The following TAFA5 variants were observed in gnomAD, a reference collection of about 807,000 sequenced individuals.
The protein encoded by TAFA5 is TAFA chemokine like family member 5, also known as chemokine-like protein TAFA-5.
A neutral mutation model predicts 15.3 loss-of-function variants in TAFA5; 6 were observed. That is an observed-to-expected ratio of 0.39 (90% confidence interval 0.21 to 0.77). The LOEUF is 0.77. Ranked by LOEUF, TAFA5 falls within the 30% of genes least tolerant of loss-of-function variation. The pLI, the probability that TAFA5 is intolerant of heterozygous loss-of-function variation, is 0.41. For missense variants in TAFA5, 161 were observed against 193.1 expected (o/e 0.83, Z 0.98); for synonymous variants, 103 against 80.7 (o/e 1.28, Z -1.48).
chr22:48,683,144 G>A (rs140343654), intron 2 of TAFA5, among the ~76,000 whole-genome samples: 1 of 152,252 alleles, frequency 6.6e-6, no homozygotes, highest in Non-Finnish European at 1.5e-5. Flanking sequence ...GTCACAGCCA[G>A]GTTTCGGAAT....
At chr22:48,595,624 C>T (rs948282779) in intron 1 of TAFA5, among the ~76,000 whole-genome samples, 4 of 152,260 alleles carry the variant, frequency 2.6e-5, no homozygotes, top group Admixed American at 1.3e-4. Flanking sequence ...CATCTCCAGA[C>T]GTGCTGCCAC....
chr22:48,550,477 G>T lies in TAFA5; in HGVS notation c.112+60773G>T, dbSNP rs557299340. Among the ~76,000 whole-genome samples, 12 of 152,322 alleles carry T rather than the reference G, an allele frequency of 7.9e-5. No individual in the cohort carries two copies. Among genetic ancestry groups the T allele is most frequent in the African/African-American group, 2.6e-4 (11 of 41,582 alleles). ...GTCACATCTGGATGGAACCAGATGT[G>T]AGGGCTTTGACCCCCACGGAGCCAG... is the stretch of plus-strand genomic sequence containing the variant. On this transcript the variant is annotated intron_variant, in intron 1 of 3. Coordinates refer to ENST00000402357, the MANE Select transcript of TAFA5 (RefSeq NM_001082967.3). This position sits in a 1 kb window ranked among gnomAD's most constrained non-coding sequence, Gnocchi z 4.1.
intron 1 of TAFA5, among the ~76,000 whole-genome samples, chr22:48,504,014 T>C (rs1212207628): frequency 6.6e-6 from 1 of 152,206 alleles, no homozygotes; most frequent in Non-Finnish European, 1.5e-5. Context: ...CTCTGTATCA[T>C]GCCTAACCCA....
At chr22:48,685,030 C>T (rs1928311508) in intron 2 of TAFA5, among the ~76,000 whole-genome samples, 2 of 152,194 alleles carry the variant, frequency 1.3e-5, no homozygotes, top group South Asian at 2.1e-4. Context: ...ATTTTAGGGA[C>T]ACAGAAGTTA....
At chr22:48,567,006 G>C (rs893528352) in intron 1 of TAFA5, among the ~76,000 whole-genome samples, 1 of 152,206 alleles carries the variant, frequency 6.6e-6, no homozygotes. Context: ...GGGCACTTGC[G>C]TTGTCTCCAG....
At chr22:48,711,012 G>A (rs79800) in intron 3 of TAFA5, among the ~76,000 whole-genome samples, 112,207 of 151,770 alleles carry the variant, frequency 0.74, 41,751 homozygotes, top group African/African-American at 0.81. Flanking sequence ...CTTTCAGCTC[G>A]GGAGACTCAG....
At chr22:48,520,456 G>A (rs763655315) in intron 1 of TAFA5, among the ~76,000 whole-genome samples, 5 of 152,192 alleles carry the variant, frequency 3.3e-5, no homozygotes, top group East Asian at 1.9e-4. Context: ...TACCCTTCTC[G>A]CTGGTGAAGT....
At chr22:48,545,092 C>A in intron 1 of TAFA5, 1 of 354,928 alleles carries the variant, frequency 2.8e-6, no homozygotes, top group Non-Finnish European at 5.6e-6. Flanking sequence ...AGATGGATTC[C>A]CGGATCATGA....
At chr22:48,669,784 A>T (rs186074974) in intron 2 of TAFA5, among the ~76,000 whole-genome samples, 1 of 152,318 alleles carries the variant, frequency 6.6e-6, no homozygotes, top group Non-Finnish European at 1.5e-5. Context: ...CATGTTGCCC[A>T]CTTGCCTGCA....
At chr22:48,571,976 GT>G (rs1923607955) in intron 1 of TAFA5, among the ~76,000 whole-genome samples, 4 of 151,998 alleles carry the variant, frequency 2.6e-5, no homozygotes, top group Admixed American at 6.6e-5. Flanking sequence ...ATTTCCAGGA[GT>G]TTTTTTCCTT....
In TAFA5 at chr22:48,707,896, T is replaced by C. The variant is rs959677034; in HGVS notation, c.390+52T>C. On this transcript the variant is annotated intron_variant, in intron 3 of 3. Transcript: ENST00000402357. Reference sequence around the variant, plus strand: ...GTGTGCTGGGGAGGGGGTATGTGTGTGCGGGCCTCCGACGCCACCCGGGCT... The same window carrying C: ...GTGTGCTGGGGAGGGGGTATGTGTGCGCGGGCCTCCGACGCCACCCGGGCT... 4 of 1,579,726 alleles carry C rather than the reference T, an allele frequency of 2.5e-6. No homozygotes were observed. The African/African-American group carries it at 5.4e-5, about 21-fold the overall frequency.
chr22:48,590,904 T>C (rs1375247318), intron 1 of TAFA5, among the ~76,000 whole-genome samples: 2 of 151,634 alleles, frequency 1.3e-5, no homozygotes, highest in Non-Finnish European at 2.9e-5. Context: ...CAGGCTGGAG[T>C]GCAAAGGCAT....
At chr22:48,589,154 GA>G (rs143682146) in intron 1 of TAFA5, among the ~76,000 whole-genome samples, 1,739 of 152,332 alleles carry the variant, frequency 0.011, 33 homozygotes, top group African/African-American at 0.037. Flanking sequence ...TTGCCTTGGG[GA>G]CAACCTTGAT....
intron 1 of TAFA5, among the ~76,000 whole-genome samples, chr22:48,507,714 T>C (rs1436606616): frequency 6.6e-6 from 1 of 152,064 alleles, no homozygotes; most frequent in Non-Finnish European, 1.5e-5. Context: ...GAGAGCGGGC[T>C]GGAAACACTC....
intron 1 of TAFA5, among the ~76,000 whole-genome samples, chr22:48,562,627 C>A (rs971459315): frequency 6.6e-6 from 1 of 152,138 alleles, no homozygotes; most frequent in Non-Finnish European, 1.5e-5. Context: ...GGGGCCCGGT[C>A]ACAGCCTCCA....
intron 1 of TAFA5, among the ~76,000 whole-genome samples, chr22:48,584,010 C>G (rs768909152): frequency 1.9e-5 from 2 of 103,496 alleles, no homozygotes; most frequent in African/African-American, 3.8e-5. Flanking sequence ...ATATAACACA[C>G]CACACACCAC....
chr22:48,639,703 T>G (rs769808669), intron 1 of TAFA5, among the ~76,000 whole-genome samples: 26 of 152,192 alleles, frequency 1.7e-4, no homozygotes, highest in Non-Finnish European at 2.5e-4. Context: ...GGGTACCGCT[T>G]GTCTCCCTGG....
intron 1 of TAFA5, among the ~76,000 whole-genome samples, chr22:48,591,620 C>G (rs1362543516): frequency 6.6e-6 from 1 of 152,226 alleles, no homozygotes; most frequent in East Asian, 1.9e-4. Context: ...AGAGCCTGCT[C>G]CAGGGCAGCG....
chr22:48,712,553 C>T lies in TAFA5; in HGVS notation c.390+4709C>T, dbSNP rs5772003. ...GGCTCACATGGGAGAAGCCTTTCTCCTAGGTTGCTATGAAAGGCTGGAAAT... is the reference window on the plus strand; with the variant it reads ...GGCTCACATGGGAGAAGCCTTTCTCTTAGGTTGCTATGAAAGGCTGGAAAT... On this transcript the variant is annotated intron_variant, in intron 3 of 3. Coordinates refer to ENST00000402357, the MANE Select transcript of TAFA5 (RefSeq NM_001082967.3). Among the ~76,000 whole-genome samples, 75 of 152,350 alleles carry T rather than the reference C, an allele frequency of 4.9e-4. 1 individual carries two copies. The East Asian group carries it at 0.012, about 25-fold the overall frequency.
Sources: allele counts gnomAD v4.1 joint callset (sites outside exome capture counted in the v4.1 genomes callset), GRCh38; gene constraint gnomAD v4.1.1; non-coding constraint Gnocchi (gnomAD v3.1); transcripts MANE v1.5; gene names NCBI Gene and HGNC (gene_info 2026-07-23, HGNC 2026-07-21).